SHC2: variants seen among roughly 807,000 people sequenced by gnomAD.
SHC2 encodes SHC-transforming protein 2.
Under a neutral mutation model 60.6 loss-of-function variants are expected in SHC2, and 62 were observed. The observed-to-expected ratio is 1.02, with a 90% CI of 0.83 to 1.26. SHC2 has a LOEUF of 1.26. Ranked by LOEUF, SHC2 falls within the 50% of genes most tolerant of loss-of-function variation. The pLI, the probability that SHC2 is intolerant of heterozygous loss-of-function variation, is 0.00. For missense variants in SHC2, 873 were observed against 822.2 expected, an observed-to-expected ratio of 1.06 and a Z score of -0.76; for synonymous variants, 375 against 372.4, an observed-to-expected ratio of 1.01 and a Z score of -0.08.
chr19:430,502 T>C (rs1974554776), intron 9 of SHC2, among the ~76,000 whole-genome samples, 182 bp downstream of exon 9: 2 of 152,174 alleles, frequency 1.3e-5, no homozygotes, highest in South Asian at 2.1e-4. Context: ...AGGAATCTAG[T>C]GTGTGCAGGA....
intron 1 of SHC2, among the ~76,000 whole-genome samples, chr19:450,177 G>A (rs1039826481): frequency 2.0e-5 from 3 of 151,706 alleles, no homozygotes; most frequent in South Asian, 2.1e-4. Context: ...CGCTACAGGA[G>A]GGGGGGGACT....
Position 436,000 on chromosome 19 carries a change from C to T in SHC2, c.953+165G>A, listed in dbSNP as rs994618475. 9 of 736,334 alleles carry T rather than the reference C, an allele frequency of 1.2e-5. No homozygotes were observed. In the African/African-American group the frequency reaches 1.2e-4, roughly 10 times the overall value. The allele number at this position is 736,334 out of a possible 1,614,324, so 45.6% of individuals were successfully genotyped here. ...GGGGATGCGTTTACTCGGGTGTTAA[C>T]AGCCGAGGAAACAGGATCCTCTGGC... On this transcript the variant is annotated intron_variant, in intron 7 of 12. Coordinates refer to ENST00000264554, the MANE Select transcript of SHC2 (RefSeq NM_012435.3).
chr19:434,908 A>C (rs1421154458), intron 7 of SHC2, 43 bp from the exon 8 acceptor site: 1 of 1,590,474 alleles, frequency 6.3e-7, no homozygotes, highest in South Asian at 1.1e-5. Context: ...GCAGGGCCCA[A>C]GGGGGCTAAA....
rs573252009 is a variant in SHC2 at position 425,143 on chromosome 19, G to A, written c.1263C>T (p.Asp421=). The change falls in exon 10 of 13, where the codon GAC becomes GAT. Residue 421 remains aspartate (D), a synonymous_variant. Transcript: ENST00000264554. The surrounding 1 kb of genome is among the most constrained non-coding windows in gnomAD (Gnocchi z 4.1). ...TGGGGCTGTCCTCCGGCTCGGGGGCGTCCAGACCCTGGGTGTTGACATACA... is the reference window on the plus strand; with the variant it reads ...TGGGGCTGTCCTCCGGCTCGGGGGCATCCAGACCCTGGGTGTTGACATACA... ...EHLYVNTQGL[D]APEPEDSPKK... is the part of the protein sequence containing the mutation. 195 of 1,393,562 alleles carry A rather than the reference G, an allele frequency of 1.4e-4. No homozygotes were observed. Among genetic ancestry groups the A allele is most frequent in the Non-Finnish European group, 1.7e-4 (182 of 1,065,920 alleles). The allele number at this position is 1,393,562 out of a possible 1,614,324, so 86.3% of individuals were successfully genotyped here.
At chr19:417,616 G>C (rs954065412) in intron 12 of SHC2, among the ~76,000 whole-genome samples, 1 of 152,246 alleles carries the variant, frequency 6.6e-6, no homozygotes, top group African/African-American at 2.4e-5. Flanking sequence ...CCTGGGACAG[G>C]GCAACGGCCT....
chr19:459,032 G>A (rs1364083969), intron 1 of SHC2, among the ~76,000 whole-genome samples: 1 of 152,140 alleles, frequency 6.6e-6, no homozygotes, highest in Non-Finnish European at 1.5e-5. Context: ...CTGTGCATCT[G>A]AGTCTAAAGT....
At position 444,591 on chromosome 19, in the gene SHC2, C is replaced by T. The variant is rs150647214; in HGVS notation, c.469-3659G>A. On this transcript the variant is annotated intron_variant, in intron 1 of 12. Coordinates refer to ENST00000264554, the MANE Select transcript of SHC2 (RefSeq NM_012435.3). ...ACGAGAGGAAATGCAATATCCTATTCGGTTGAGAACAGGGACTGCAAACTC... is the reference window on the plus strand; with the variant it reads ...ACGAGAGGAAATGCAATATCCTATTTGGTTGAGAACAGGGACTGCAAACTC... 3.2e-3 allele frequency among the ~76,000 whole-genome samples: 483 copies of T among 152,272 alleles called. 2 individuals are homozygous for T. Among genetic ancestry groups the T allele is most frequent in the Middle Eastern group, 0.01 (3 of 294 alleles).
Position 445,070 on chromosome 19 carries a change from C to T in SHC2, c.469-4138G>A, listed in dbSNP as rs554113400. Among the ~76,000 whole-genome samples, 13 of 152,358 alleles carry T rather than the reference C, an allele frequency of 8.5e-5. No individual in the cohort carries two copies. The highest frequency in any genetic ancestry group is 5.8e-4 in the East Asian group (3 of 5,186). On this transcript the variant is annotated intron_variant, in intron 1 of 12. Transcript: ENST00000264554. The surrounding 1 kb of genome is among the most constrained non-coding windows in gnomAD (Gnocchi z 4.4). ...TCACTGCATGTCCCACGCTCCACGGCGCCCAGTGCTGCCGGCCATGTGCTT... is the reference window on the plus strand; with the variant it reads ...TCACTGCATGTCCCACGCTCCACGGTGCCCAGTGCTGCCGGCCATGTGCTT...
chr19:422,332 C>T lies in SHC2; in HGVS notation c.1434G>A (p.Thr478=), dbSNP rs201154964. The change falls in exon 11 of 13, where the codon ACG becomes ACA. Residue 478 remains threonine (T), a synonymous_variant. Coordinates refer to ENST00000264554, the MANE Select transcript of SHC2 (RefSeq NM_012435.3). This position sits in a 1 kb window ranked among gnomAD's most constrained non-coding sequence, Gnocchi z 5.0. ...AGGGCTCCTGACGCAGCTGTTCCTC[C>T]GTGGGGGCCACAGGGGCCCGGCGGG... is the stretch of plus-strand genomic sequence containing the variant. ...PPTRRAPVAP[T]EEQLRQEPWY... is the part of the protein sequence containing the mutation. 2.5e-4 allele frequency: 398 copies of T among 1,610,268 alleles called. 1 individual carries two copies. The highest frequency in any genetic ancestry group is 1.3e-3 in the Middle Eastern group (8 of 6,056).
chr19:425,186 G>A lies in SHC2; in HGVS notation c.1220C>T (p.Pro407Leu), dbSNP rs758807840. The A allele has an allele frequency of 2.8e-5, 38 of 1,344,356 alleles. No individual in the cohort carries two copies. Among genetic ancestry groups the A allele is most frequent in the Non-Finnish European group, 3.3e-5 (34 of 1,038,108 alleles). The allele number at this position is 1,344,356 out of a possible 1,614,324, so 83.3% of individuals were successfully genotyped here. Reference sequence around the variant, plus strand: ...GACATACAGGTGCTCCTCGTGGTCCGGGGGGCCCCGGGCGTCCGCCTGCAC... The same window carrying A: ...GACATACAGGTGCTCCTCGTGGTCCAGGGGGCCCCGGGCGTCCGCCTGCAC... ...GYVQADARGP[P>L]DHEEHLYVNT... Residue 407 changes from proline to leucine, a missense_variant, in exon 10 of 13, where the codon CCG (proline) becomes CTG (leucine). Coordinates refer to ENST00000264554, the MANE Select transcript of SHC2 (RefSeq NM_012435.3). The surrounding 1 kb of genome is among the most constrained non-coding windows in gnomAD (Gnocchi z 4.1).
In SHC2 at chr19:422,344, A is replaced by G. The variant is rs775776677; in HGVS notation, c.1422T>C (p.Pro474=). 1 of 1,608,488 alleles carries G rather than the reference A, an allele frequency of 6.2e-7. No individual in the cohort carries two copies. The highest frequency in any genetic ancestry group is 1.7e-5 in the Admixed American group (1 of 59,512). The change falls in exon 11 of 13, where the codon CCT becomes CCC. Residue 474 remains proline, a synonymous_variant. Transcript: ENST00000264554. This position sits in a 1 kb window ranked among gnomAD's most constrained non-coding sequence, Gnocchi z 5.0. ...QWPSPPTRRA[P]VAPTEEQLRQ... is the part of the protein sequence containing the mutation. ...GCAGCTGTTCCTCCGTGGGGGCCAC[A>G]GGGGCCCGGCGGGTAGGGGGGCTGG...
intron 10 of SHC2, among the ~76,000 whole-genome samples, chr19:423,948 C>T (rs1048054572): frequency 1.5e-4 from 23 of 152,280 alleles, no homozygotes; most frequent in African/African-American, 5.5e-4. Context: ...CTGTGAGGAG[C>T]CAAGAGGAGC....
chr19:457,314 C>A (rs565562182), intron 1 of SHC2, among the ~76,000 whole-genome samples: 2 of 143,820 alleles, frequency 1.4e-5, no homozygotes, highest in Non-Finnish European at 3.0e-5. Context: ...TGCTGTACCC[C>A]CCCTAGATCT....
Position 440,991 on chromosome 19 carries a change from C to CTT in SHC2, c.469-61_469-60dup. 5.1e-6 allele frequency: 8 copies of CTT among 1,565,868 alleles called. No individual in the cohort carries two copies. The highest frequency in any genetic ancestry group is 6.2e-6 in the Non-Finnish European group (7 of 1,138,170). ...GAACCCCCGCAGTGGAGCCACGTCC[C>CTT]TTTTCCCAGCAGCCCTTCGCCGCCT... On this transcript the variant is annotated intron_variant, in intron 1 of 12. Coordinates refer to ENST00000264554, the MANE Select transcript of SHC2 (RefSeq NM_012435.3). This position sits in a 1 kb window ranked among gnomAD's most constrained non-coding sequence, Gnocchi z 7.0.
chr19:455,524 C>T (rs566794095), intron 1 of SHC2, among the ~76,000 whole-genome samples: 53 of 152,358 alleles, frequency 3.5e-4, no homozygotes, highest in African/African-American at 1.3e-3. Context: ...GCTGATTATC[C>T]GGCGTCCAAC....
At chr19:439,688 G>T (rs1027181635) in intron 2 of SHC2, among the ~76,000 whole-genome samples, 2 of 152,126 alleles carry the variant, frequency 1.3e-5, no homozygotes, top group Non-Finnish European at 2.9e-5. Flanking sequence ...AAATTGGCCA[G>T]ATGCAGCGGC....
chr19:425,718 T>C lies in SHC2; in HGVS notation c.1175-487A>G, dbSNP rs1377545575. On this transcript the variant is annotated intron_variant, in intron 9 of 12. Coordinates refer to ENST00000264554, the MANE Select transcript of SHC2 (RefSeq NM_012435.3). The surrounding 1 kb of genome is among the most constrained non-coding windows in gnomAD (Gnocchi z 4.1). ...TTTCCTTCCTTTCTTTTTTTAATTG[T>C]ATTTTGAACGTGTAAAGTGTTTACA... Among the ~76,000 whole-genome samples the C allele has an allele frequency of 6.6e-6, 1 of 152,218 alleles. No individual in the cohort carries two copies. Among genetic ancestry groups the C allele is most frequent in the African/African-American group, 2.4e-5 (1 of 41,450 alleles).
chr19:427,917 G>A (rs1974463229), intron 9 of SHC2, among the ~76,000 whole-genome samples: 1 of 151,244 alleles, frequency 6.6e-6, no homozygotes, highest in Admixed American at 6.6e-5. Flanking sequence ...AGGGGGAACT[G>A]CACACGGCAC....
At chr19:452,030 G>A (rs1216796218) in intron 1 of SHC2, among the ~76,000 whole-genome samples, 1 of 152,258 alleles carries the variant, frequency 6.6e-6, no homozygotes, top group Non-Finnish European at 1.5e-5. Context: ...GCTGTCACAG[G>A]AATGGTGGCC....
Sources: gnomAD v4.1 joint callset for allele counts (sites outside exome capture counted in the v4.1 genomes callset) on GRCh38, gnomAD v4.1.1 for gene constraint, Gnocchi (gnomAD v3.1) non-coding constraint, MANE v1.5 for transcripts, NCBI Gene and HGNC (gene_info 2026-07-23, HGNC 2026-07-21) for gene names.